The following NUF2 variants were observed in gnomAD, a reference collection of about 807,000 sequenced individuals.
NUF2 encodes the protein kinetochore protein Nuf2.
NUF2 carries 34 observed loss-of-function variants against 61.8 expected under a neutral mutation model. That is an observed-to-expected ratio of 0.55 (90% confidence interval 0.42 to 0.73). The LOEUF (loss-of-function observed/expected upper bound fraction) is 0.73, where lower values mean the gene tolerates loss of function less well. NUF2 is among the 30% of genes least tolerant of loss of function. The pLI, the probability that NUF2 is intolerant of heterozygous loss-of-function variation, is 0.00. For missense variants in NUF2, 445 were observed against 539.1 expected, an observed-to-expected ratio of 0.83 and a Z score of 1.73; for synonymous variants, 172 against 181.6, an observed-to-expected ratio of 0.95 and a Z score of 0.42.
In NUF2 at chr1:163,350,351, C is replaced by T. The variant is rs185778784; in HGVS notation, c.1260+1271C>T. Among the ~76,000 whole-genome samples, 163 of 151,694 alleles carry T rather than the reference C, an allele frequency of 1.1e-3. 1 individual carries two copies. Among genetic ancestry groups the T allele is most frequent in the African/African-American group, 3.6e-3 (148 of 41,382 alleles). The stretch of plus-strand genomic sequence containing the variant: ...CAGATATTTAATCCTGCTTCTTAAC[C>T]GAATCAAATCAATAAATATTTATGT... On this transcript the variant is annotated intron_variant, in intron 13 of 13. Transcript: ENST00000271452.
chr1:163,322,311 A>G (rs1468042163), intron 1 of NUF2, 99 bp downstream of exon 1: 3 of 152,270 alleles, frequency 2.0e-5, no homozygotes, highest in Non-Finnish European at 4.4e-5. Flanking sequence ...CTGGTGCAGC[A>G]TAGACCGAAG....
chr1:163,346,261 T>C (rs1651124741), intron 11 of NUF2: 1 of 152,308 alleles, frequency 6.6e-6, no homozygotes, highest in Non-Finnish European at 1.5e-5. Context: ...TAAAAGAACA[T>C]TTATAGCAAT....
chr1:163,332,957 G>A (rs1049903170), intron 5 of NUF2, among the ~76,000 whole-genome samples: 3 of 152,178 alleles, frequency 2.0e-5, no homozygotes, highest in Non-Finnish European at 2.9e-5. Flanking sequence ...GATGAGTGGA[G>A]TGTTTTAAAC....
chr1:163,345,909 T>G (rs1388017299), intron 11 of NUF2, 91 bp downstream of exon 11: 8 of 908,216 alleles, frequency 8.8e-6, no homozygotes, highest in South Asian at 1.9e-5. Context: ...TATGTTTTCC[T>G]AAAGAAAAAC....
At chr1:163,354,889 A>G (rs1364611527) in intron 13 of NUF2, among the ~76,000 whole-genome samples, 1 of 152,102 alleles carries the variant, frequency 6.6e-6, no homozygotes, top group African/African-American at 2.4e-5. Flanking sequence ...TTATTCAAAC[A>G]ACTCTACAAG....
chr1:163,332,937 T>C (rs2136242), intron 5 of NUF2, among the ~76,000 whole-genome samples: 63,173 of 152,042 alleles, frequency 0.42, 13,502 homozygotes, highest in South Asian at 0.59. Flanking sequence ...GTTCCATGAG[T>C]GCTGTTGTTG....
chr1:163,323,991 C>G lies in NUF2; in HGVS notation c.-21+1779C>G, dbSNP rs529418774. 4.3e-3 allele frequency among the ~76,000 whole-genome samples: 653 copies of G among 150,852 alleles called. 5 individuals carry two copies. The highest frequency in any genetic ancestry group is 0.015 in the African/African-American group (627 of 41,204). On this transcript the variant is annotated intron_variant, in intron 1 of 13. Transcript: ENST00000271452. ...AAGTGCTACAGCAGAGGCCATTATA[C>G]TGTGCCCTAGACCAACCATATCTGG...
Position 163,345,837 on chromosome 1 carries a change from T to C in NUF2, c.948+19T>C, listed in dbSNP as rs1166737757. Reference sequence around the variant, plus strand: ...AAAGGAGGTTTGTATTGTATGGAATTTTGATGTCTTTATTATATAACAGCT... The same window carrying C: ...AAAGGAGGTTTGTATTGTATGGAATCTTGATGTCTTTATTATATAACAGCT... On this transcript the variant is annotated intron_variant, in intron 11 of 13. Transcript: ENST00000271452. 6.5e-7 allele frequency: 1 copy of C among 1,537,920 alleles called. No individual in the cohort carries two copies. Among genetic ancestry groups the C allele is most frequent in the African/African-American group, 1.4e-5 (1 of 72,272 alleles).
chr1:163,328,160 T>C, intron 3 of NUF2, 68 bp from the exon 4 acceptor site: 1 of 954,248 alleles, frequency 1.0e-6, no homozygotes, highest in Non-Finnish European at 1.6e-6. Context: ...ATTTTGATCT[T>C]GGTTGAAGAT....
intron 10 of NUF2, among the ~76,000 whole-genome samples, chr1:163,345,195 G>A (rs373409010): frequency 6.6e-6 from 1 of 152,080 alleles, no homozygotes; most frequent in African/African-American, 2.4e-5. Context: ...GTGAGGACAA[G>A]GGAAGGAATC....
At chr1:163,327,982 G>A (rs943402838) in intron 3 of NUF2, 1 of 403,470 alleles carries the variant, frequency 2.5e-6, no homozygotes, top group Non-Finnish European at 4.4e-6. Flanking sequence ...CAAATTATTT[G>A]CATAATACCT....
chr1:163,348,084 A>G (rs1651195506), intron 12 of NUF2, 146 bp downstream of exon 12: 1 of 532,324 alleles, frequency 1.9e-6, no homozygotes, highest in Non-Finnish European at 3.2e-6. Flanking sequence ...ACTAAAACAG[A>G]TGAGTTAATT....
intron 13 of NUF2, among the ~76,000 whole-genome samples, chr1:163,354,324 T>G (rs1651419674): frequency 6.6e-6 from 1 of 152,284 alleles, no homozygotes. Flanking sequence ...TTGGAGAATG[T>G]TTAGTCTTAA....
At chr1:163,329,582 C>T (rs529783190) in intron 5 of NUF2, among the ~76,000 whole-genome samples, 31 of 152,174 alleles carry the variant, frequency 2.0e-4, no homozygotes, top group African/African-American at 7.0e-4. Flanking sequence ...TGTCACATAG[C>T]CAGAGGGAGC....
chr1:163,350,889 CT>C (rs1651296126), intron 13 of NUF2, among the ~76,000 whole-genome samples: 1 of 152,034 alleles, frequency 6.6e-6, no homozygotes, highest in Non-Finnish European at 1.5e-5. Flanking sequence ...ACTAGGGCAG[CT>C]TTAATTGTTA....
At chr1:163,327,391 C>T in intron 2 of NUF2, 97 bp from the exon 3 acceptor site, 3 of 704,324 alleles carry the variant, frequency 4.3e-6, no homozygotes, top group South Asian at 3.8e-5. Context: ...CCTTTTTCTT[C>T]TTTGCTTTCA....
intron 9 of NUF2, among the ~76,000 whole-genome samples, chr1:163,342,723 CAG>C (rs1650988105): frequency 6.6e-6 from 1 of 151,972 alleles, no homozygotes; most frequent in Non-Finnish European, 1.5e-5. Flanking sequence ...TAGAGAGAGA[CAG>C]AGAAGGGTAC....
At chr1:163,345,646 A>T in intron 10 of NUF2, 32 bp from the exon 11 acceptor site, 1 of 1,586,658 alleles carries the variant, frequency 6.3e-7, no homozygotes, top group African/African-American at 1.4e-5. Context: ...GAAGAATATC[A>T]AACTGTGGTC....
chr1:163,339,160 C>A, intron 7 of NUF2: 1 of 488,302 alleles, frequency 2.0e-6, no homozygotes, highest in East Asian at 3.5e-5. Flanking sequence ...TGGATGGATC[C>A]ATAGATTTGA....
Sources: allele counts gnomAD v4.1 joint callset (sites outside exome capture counted in the v4.1 genomes callset), GRCh38; gene constraint gnomAD v4.1.1; transcripts MANE v1.5; gene names NCBI Gene and HGNC (gene_info 2026-07-23, HGNC 2026-07-21).